Variants in IL5RA observed in about 807,000 individuals in gnomAD.
The protein encoded by IL5RA is interleukin 5 receptor subunit alpha, also known as interleukin-5 receptor subunit alpha.
A neutral mutation model predicts 50.0 loss-of-function variants in IL5RA; 49 were observed. The observed-to-expected ratio is 0.98, with a 90% CI of 0.78 to 1.24. The LOEUF is 1.24. Ranked by LOEUF, IL5RA falls within the 50% of genes most tolerant of loss-of-function variation. IL5RA has a pLI of 0.00. For synonymous variants in IL5RA, 202 were observed against 174.0 expected (o/e 1.16, Z -1.26); for missense variants, 600 against 500.4 (o/e 1.20, Z -1.90).
rs1303861773 is a variant in IL5RA, at chr3:3,092,378, T to C, written c.856-16A>G. 1.9e-6 allele frequency: 3 copies of C among 1,610,802 alleles called. No homozygotes were observed. The South Asian group carries it at 3.3e-5, about 18-fold the overall frequency. ...ATTTTTCTATCTAAGTGGGGAAAGATAGCATTAGAAGAATCTCTAGACACC... is the reference window on the plus strand; with the variant it reads ...ATTTTTCTATCTAAGTGGGGAAAGACAGCATTAGAAGAATCTCTAGACACC... On this transcript the variant is annotated splice_polypyrimidine_tract_variant and intron_variant, in intron 8 of 11. Coordinates refer to ENST00000446632, the MANE Select transcript of IL5RA (RefSeq NM_175726.4). The surrounding 1 kb of genome is among the most constrained non-coding windows in gnomAD (Gnocchi z 4.2).
At chr3:3,090,020 C>G in intron 9 of IL5RA, 1 of 557,348 alleles carries the variant, frequency 1.8e-6, no homozygotes, top group Non-Finnish European at 3.2e-6. Flanking sequence ...GTCAGTTAAT[C>G]TGGGGTTAGA....
chr3:3,079,243 G>C (rs931214345), intron 9 of IL5RA, among the ~76,000 whole-genome samples: 2 of 152,142 alleles, frequency 1.3e-5, no homozygotes, highest in Non-Finnish European at 2.9e-5. Flanking sequence ...CTCAGCTCCA[G>C]GCCTGGATCT....
chr3:3,102,558 AACAT>A (rs1378831222), intron 4 of IL5RA, 113 bp downstream of exon 4: 2 of 691,468 alleles, frequency 2.9e-6, no homozygotes, highest in African/African-American at 3.7e-5. Context: ...CTGGTAACAT[AACAT>A]AGAGCCTGTC....
chr3:3,094,144 A>G (rs1171138969), intron 8 of IL5RA, among the ~76,000 whole-genome samples: 1 of 152,184 alleles, frequency 6.6e-6, no homozygotes, highest in Non-Finnish European at 1.5e-5. Context: ...GAAATTTACC[A>G]TCTTAATCCT....
chr3:3,073,678 T>C, intron 11 of IL5RA: 1 of 337,494 alleles, frequency 3.0e-6, no homozygotes. Context: ...ATAAATGGAG[T>C]GATATGCTAT....
intron 5 of IL5RA, 41 bp from the exon 6 acceptor site, chr3:3,098,331 C>T: frequency 6.4e-7 from 1 of 1,570,656 alleles, no homozygotes; most frequent in Non-Finnish European, 8.8e-7. Flanking sequence ...ATTGCCATGG[C>T]AAACTCTGAA....
rs771055940 is a variant in IL5RA at position 3,095,396 on chromosome 3, C to T, written c.758G>A (p.Arg253His). The change falls in exon 8 of 12, where the codon CGT becomes CAT. Residue 253 changes from arginine (R) to histidine (H), a missense_variant. Arg to His is a conservative substitution (Grantham distance 29). Transcript: ENST00000446632. The stretch of plus-strand genomic sequence containing the variant: ...TGGTTTCTCCCATTGGATAGAGAGA[C>T]GAGTTCCTTCAATCTCTGCTGTGAC... ...LNVTAEIEGT[R>H]LSIQWEKPVS... 1.8e-5 allele frequency: 29 copies of T among 1,611,522 alleles called. No individual in the cohort carries two copies. Among genetic ancestry groups the T allele is most frequent in the Non-Finnish European group, 2.2e-5 (26 of 1,177,972 alleles).
intron 3 of IL5RA, among the ~76,000 whole-genome samples, chr3:3,104,658 A>G (rs1278824943): frequency 1.3e-5 from 2 of 152,182 alleles, no homozygotes; most frequent in African/African-American, 2.4e-5. Context: ...GCTTTATTCC[A>G]TGGTGCCCGG....
At chr3:3,090,852 A>C (rs533556313) in intron 9 of IL5RA, among the ~76,000 whole-genome samples, 73 of 151,824 alleles carry the variant, frequency 4.8e-4, no homozygotes, top group African/African-American at 1.6e-3. Context: ...GGATTACAGG[A>C]GTGAGCCACC....
chr3:3,076,484 C>G lies in IL5RA; in HGVS notation c.1091+47G>C, dbSNP rs750219517. The G allele has an allele frequency of 1.5e-5, 18 of 1,165,938 alleles. No individual in the cohort carries two copies. The South Asian group carries it at 2.0e-4, about 13-fold the overall frequency. The allele number at this position is 1,165,938 out of a possible 1,614,324, so 72.2% of individuals were successfully genotyped here. A position where few individuals can be genotyped will look rare whatever the true frequency, so the allele number is the denominator to read the frequency against. On this transcript the variant is annotated intron_variant, in intron 10 of 11. Coordinates refer to ENST00000446632, the MANE Select transcript of IL5RA (RefSeq NM_175726.4). ...GATGCATGGTAAGCCTGTAAAAATGCAGTACTGAAACCCCACTGCAAGCAC... is the reference window on the plus strand; with the variant it reads ...GATGCATGGTAAGCCTGTAAAAATGGAGTACTGAAACCCCACTGCAAGCAC...
chr3:3,097,836 C>A, intron 7 of IL5RA, 34 bp downstream of exon 7: 1 of 1,586,920 alleles, frequency 6.3e-7, no homozygotes, highest in Non-Finnish European at 8.6e-7. Context: ...TTCCGAGATT[C>A]AGTTATTTCA....
intron 1 of IL5RA, among the ~76,000 whole-genome samples, chr3:3,109,142 C>G (rs1224516391): frequency 6.7e-6 from 1 of 149,706 alleles, no homozygotes; most frequent in Non-Finnish European, 1.5e-5. Context: ...TCTCCTTTTT[C>G]CCCCTTTTTT....
At position 3,095,304 on chromosome 3, in the gene IL5RA, A is replaced by G; in HGVS notation, c.850T>C (p.Leu284=). ...VKIHNTRNGY[L]QIEKLMTNAF... ...GGAATAATCTGAGTAATTACCTGCA[A>G]ATATCCATTCCTTGTATTGTGTATT... The change falls in exon 8 of 12, where the codon TTG becomes CTG. Residue 284 remains leucine (L), a synonymous_variant. Coordinates refer to ENST00000446632, the MANE Select transcript of IL5RA (RefSeq NM_175726.4). 1 of 1,586,466 alleles carries G rather than the reference A, an allele frequency of 6.3e-7. No individual in the cohort carries two copies. The highest frequency in any genetic ancestry group is 1.1e-5 in the South Asian group (1 of 87,176).
At chr3:3,100,908 A>C (rs921787976) in intron 5 of IL5RA, among the ~76,000 whole-genome samples, 3 of 151,826 alleles carry the variant, frequency 2.0e-5, no homozygotes, top group Non-Finnish European at 4.4e-5. Context: ...GCACTTTGGG[A>C]GGCCGAGGCG....
At chr3:3,101,190 A>G (rs1186851949) in intron 5 of IL5RA, among the ~76,000 whole-genome samples, 1 of 151,876 alleles carries the variant, frequency 6.6e-6, no homozygotes, top group Non-Finnish European at 1.5e-5. Context: ...AAAAAAAAAA[A>G]AAAAAGTAAA....
chr3:3,081,951 G>A (rs1415156386), intron 9 of IL5RA, among the ~76,000 whole-genome samples: 3 of 152,080 alleles, frequency 2.0e-5, no homozygotes, highest in Non-Finnish European at 2.9e-5. Flanking sequence ...AACCAAGGTC[G>A]GCTTTTCCTT....
intron 9 of IL5RA, among the ~76,000 whole-genome samples, chr3:3,090,448 C>T (rs375633166): frequency 9.9e-5 from 15 of 152,218 alleles, no homozygotes; most frequent in East Asian, 7.7e-4. Flanking sequence ...ACACATGAGA[C>T]GCACTAGTTG....
chr3:3,074,653 A>G, intron 11 of IL5RA, 129 bp downstream of exon 11: 1 of 588,686 alleles, frequency 1.7e-6, no homozygotes, highest in African/African-American at 1.9e-5. Flanking sequence ...GACTGAAGCA[A>G]CAGAAATGCT....
intron 9 of IL5RA, among the ~76,000 whole-genome samples, chr3:3,084,763 G>C (rs1168092961): frequency 6.6e-6 from 1 of 152,246 alleles, no homozygotes; most frequent in Non-Finnish European, 1.5e-5. Flanking sequence ...TATCTGTGTA[G>C]CTTCCAGCAG....
Sources: gnomAD v4.1 joint callset for allele counts (sites outside exome capture counted in the v4.1 genomes callset) on GRCh38, gnomAD v4.1.1 for gene constraint, Gnocchi (gnomAD v3.1) non-coding constraint, MANE v1.5 for transcripts, NCBI Gene and HGNC (gene_info 2026-07-23, HGNC 2026-07-21) for gene names.